The following DOK6 variants were observed in gnomAD, a reference collection of about 807,000 sequenced individuals.
The protein encoded by DOK6 is downstream of tyrosine kinase 6.
DOK6 carries 22 observed loss-of-function variants against 44.0 expected under a neutral mutation model. The ratio of observed to expected loss-of-function variants is 0.50; its 90% confidence interval spans 0.36 to 0.71. DOK6 has a LOEUF of 0.71. Among genes scored for constraint, DOK6 ranks in the 30% least tolerant of loss-of-function variants. The probability of loss-of-function intolerance (pLI) is 0.00; values close to 1 mark genes in which losing one functional copy is unlikely to be tolerated. For synonymous variants in DOK6, 166 were observed against 145.5 expected (o/e 1.14, Z -1.01); for missense variants, 340 against 416.4 (o/e 0.82, Z 1.60).
At chr18:69,528,162 CA>C (rs1555710307) in intron 1 of DOK6, among the ~76,000 whole-genome samples, 956 of 70,698 alleles carry the variant, frequency 0.014, 15 homozygotes, top group Admixed American at 0.048. Context: ...GACTCTGTCT[CA>C]AAAAAAAAAA....
At chr18:69,499,974 T>C (rs555776696) in intron 1 of DOK6, among the ~76,000 whole-genome samples, 3 of 152,316 alleles carry the variant, frequency 2.0e-5, no homozygotes, top group East Asian at 3.9e-4. Context: ...ATTGGACTTC[T>C]GCATCATTGT....
At chr18:69,677,003 G>T (rs1985936783) in intron 3 of DOK6, among the ~76,000 whole-genome samples, 1 of 152,198 alleles carries the variant, frequency 6.6e-6, no homozygotes, top group Admixed American at 6.5e-5. Flanking sequence ...CAACGTCTTA[G>T]GTAATTGGAA....
chr18:69,629,171 G>A (rs1984629453), intron 3 of DOK6, among the ~76,000 whole-genome samples: 1 of 152,156 alleles, frequency 6.6e-6, no homozygotes, highest in African/African-American at 2.4e-5. Flanking sequence ...GAGAGTTCAG[G>A]CAGCTTCATA....
chr18:69,668,397 T>C (rs1038798452), intron 3 of DOK6, among the ~76,000 whole-genome samples: 1 of 152,234 alleles, frequency 6.6e-6, no homozygotes, highest in African/African-American at 2.4e-5. Context: ...TTTTGTCACT[T>C]CTTTCATGCT....
intron 7 of DOK6, among the ~76,000 whole-genome samples, chr18:69,775,794 A>G (rs1464187859): frequency 6.6e-6 from 1 of 151,946 alleles, no homozygotes; most frequent in African/African-American, 2.4e-5. Flanking sequence ...TTTCTAACAG[A>G]AAACATCTAA....
chr18:69,823,814 A>G (rs990013956), intron 7 of DOK6, among the ~76,000 whole-genome samples: 2 of 152,124 alleles, frequency 1.3e-5, no homozygotes, highest in South Asian at 4.1e-4. Context: ...TTCTTCTATG[A>G]TCATTTCATA....
intron 5 of DOK6, among the ~76,000 whole-genome samples, chr18:69,709,775 G>T (rs1216871808): frequency 6.6e-6 from 1 of 152,054 alleles, no homozygotes; most frequent in East Asian, 1.9e-4. Context: ...GATAAAATCT[G>T]TTCTTTCAAA....
intron 7 of DOK6, among the ~76,000 whole-genome samples, chr18:69,829,833 A>T (rs1981851392): frequency 6.6e-6 from 1 of 152,028 alleles, no homozygotes; most frequent in Non-Finnish European, 1.5e-5. Context: ...CTTGGAAAAA[A>T]GATTTTTAAA....
chr18:69,488,601 C>A (rs1239973775), intron 1 of DOK6, among the ~76,000 whole-genome samples: 2 of 152,152 alleles, frequency 1.3e-5, no homozygotes. Context: ...GAAGGAGGAG[C>A]AAAGTCCTGT....
At chr18:69,741,398 A>T (rs1178496300) in intron 6 of DOK6, among the ~76,000 whole-genome samples, 1 of 152,226 alleles carries the variant, frequency 6.6e-6, no homozygotes, top group African/African-American at 2.4e-5. Flanking sequence ...TCAAGTTGAT[A>T]AATGCCTAAA....
At chr18:69,692,364 T>C (rs553241571) in intron 4 of DOK6, among the ~76,000 whole-genome samples, 19 of 152,384 alleles carry the variant, frequency 1.2e-4, no homozygotes, top group Non-Finnish European at 1.5e-4. Flanking sequence ...GGAAATTTCA[T>C]AGTTGTGTGA....
chr18:69,538,164 A>C (rs931263000), intron 1 of DOK6, among the ~76,000 whole-genome samples: 2 of 152,184 alleles, frequency 1.3e-5, no homozygotes, highest in Non-Finnish European at 2.9e-5. Context: ...TGAGAATAGA[A>C]ATGTTATGCT....
intron 2 of DOK6, among the ~76,000 whole-genome samples, chr18:69,574,389 C>T (rs1983189206): frequency 1.3e-5 from 2 of 151,964 alleles, no homozygotes; most frequent in Admixed American, 1.3e-4. Context: ...AAATAGCTAA[C>T]TATAATGAAA....
At chr18:69,641,654 A>C (rs1984945063) in intron 3 of DOK6, among the ~76,000 whole-genome samples, 1 of 152,232 alleles carries the variant, frequency 6.6e-6, no homozygotes, top group Non-Finnish European at 1.5e-5. Flanking sequence ...TTGCTTGAGA[A>C]TCTCTGCAAT....
chr18:69,555,610 G>A (rs147983750), intron 1 of DOK6, among the ~76,000 whole-genome samples: 2 of 152,244 alleles, frequency 1.3e-5, no homozygotes, highest in East Asian at 3.9e-4. Context: ...ATTCTACGGT[G>A]TCTTAATTAC....
intron 3 of DOK6, among the ~76,000 whole-genome samples, chr18:69,644,034 G>T (rs1282231111): frequency 6.6e-6 from 1 of 151,990 alleles, no homozygotes; most frequent in Non-Finnish European, 1.5e-5. Flanking sequence ...GTGCTTATTT[G>T]CCATCCATAT....
intron 1 of DOK6, among the ~76,000 whole-genome samples, chr18:69,515,922 T>C (rs947942203): frequency 1.3e-5 from 2 of 152,274 alleles, no homozygotes; most frequent in Admixed American, 1.3e-4. Context: ...TTTATGATCA[T>C]GCATTTTTAA....
chr18:69,756,369 A>T (rs982349725), intron 6 of DOK6, among the ~76,000 whole-genome samples: 72 of 152,282 alleles, frequency 4.7e-4, no homozygotes, highest in African/African-American at 1.7e-3. Context: ...AAAACTTTGA[A>T]GTCTACCAAA....
intron 7 of DOK6, among the ~76,000 whole-genome samples, chr18:69,794,204 C>T (rs1392520344): frequency 6.6e-6 from 1 of 152,128 alleles, no homozygotes; most frequent in East Asian, 1.9e-4. Flanking sequence ...CACGTCTTCC[C>T]TCCCAAGCAT....
Sources: gnomAD v4.1 joint callset for allele counts (sites outside exome capture counted in the v4.1 genomes callset) on GRCh38, gnomAD v4.1.1 for gene constraint, MANE v1.5 for transcripts, NCBI Gene and HGNC (gene_info 2026-07-23, HGNC 2026-07-21) for gene names.